The following PRELID2 variants were observed in gnomAD, a reference collection of about 807,000 sequenced individuals.
The protein encoded by PRELID2 is PRELI domain containing 2, also known as PRELI domain-containing protein 2.
Under a neutral mutation model 28.4 loss-of-function variants are expected in PRELID2, and 25 were observed. The observed-to-expected ratio is 0.88, with a 90% confidence interval of 0.64 to 1.23. The LOEUF (loss-of-function observed/expected upper bound fraction) is 1.23. Ranked by LOEUF, PRELID2 falls within the 50% of genes most tolerant of loss-of-function variation. The pLI is 0.00. For missense variants in PRELID2, 201 were observed against 214.4 expected (o/e 0.94, Z 0.39); for synonymous variants, 76 against 71.6 (o/e 1.06, Z -0.31).
the PRELID2 span, among the ~76,000 whole-genome samples, chr5:145,289,675 A>G: frequency 6.6e-6 from 1 of 152,184 alleles, no homozygotes; most frequent in East Asian, 1.9e-4. Context: ...AAATTGCCAA[A>G]TAGTGTTCTA....
intron 4 of PRELID2, among the ~76,000 whole-genome samples, chr5:145,810,891 ATTC>A (rs1382605845): frequency 6.6e-6 from 1 of 152,050 alleles, no homozygotes; most frequent in Non-Finnish European, 1.5e-5. Flanking sequence ...CAGAGGCAGA[ATTC>A]TTCTTTTTCC....
the PRELID2 span, among the ~76,000 whole-genome samples, chr5:145,326,330 TC>T: frequency 4.6e-5 from 7 of 151,972 alleles, no homozygotes; most frequent in Non-Finnish European, 7.4e-5. Flanking sequence ...GTGTCAGTTC[TC>T]CCCCAAATTG....
chr5:145,368,295 A>C, the PRELID2 span, among the ~76,000 whole-genome samples: 1 of 151,888 alleles, frequency 6.6e-6, no homozygotes, highest in African/African-American at 2.4e-5. Context: ...TAAAGCCACC[A>C]ATTTTTCTGG....
intron 1 of PRELID2, among the ~76,000 whole-genome samples, chr5:145,511,583 G>A (rs151189453): frequency 9.1e-4 from 139 of 152,284 alleles, no homozygotes; most frequent in African/African-American, 1.6e-3. Context: ...CATTCATTTC[G>A]TGGTTCAAAA....
At chr5:145,795,564 A>G (rs1420499770) in intron 5 of PRELID2, 1 of 152,148 alleles carries the variant, frequency 6.6e-6, no homozygotes, top group Non-Finnish European at 1.5e-5. Context: ...GGGTCATAAC[A>G]ATGGTTCTTT....
At chr5:145,739,186 T>C (rs575519536) in intron 1 of PRELID2, among the ~76,000 whole-genome samples, 12 of 152,242 alleles carry the variant, frequency 7.9e-5, no homozygotes, top group African/African-American at 2.6e-4. Context: ...GTATATTCTC[T>C]AAACATAAAA....
At chr5:145,582,719 A>T (rs1037526962) in intron 1 of PRELID2, among the ~76,000 whole-genome samples, 3 of 152,132 alleles carry the variant, frequency 2.0e-5, no homozygotes, top group Non-Finnish European at 4.4e-5. Flanking sequence ...ATTACCAGAC[A>T]CACACACTCT....
At chr5:145,547,954 G>C (rs1331477854) in intron 1 of PRELID2, among the ~76,000 whole-genome samples, 3 of 152,136 alleles carry the variant, frequency 2.0e-5, no homozygotes, top group Non-Finnish European at 2.9e-5. Flanking sequence ...TCAGTGCAGA[G>C]AGGAGGCATC....
the PRELID2 span, chr5:145,229,070 C>T: frequency 6.4e-7 from 1 of 1,569,826 alleles, no homozygotes; most frequent in Non-Finnish European, 8.7e-7. Flanking sequence ...ATGAGGACCA[C>T]TACCTCCTGG....
At chr5:145,804,653 G>A (rs1189096540) in intron 4 of PRELID2, among the ~76,000 whole-genome samples, 2 of 151,882 alleles carry the variant, frequency 1.3e-5, no homozygotes, top group Admixed American at 6.6e-5. Flanking sequence ...ATATTAACCC[G>A]ATTTTACAGA....
chr5:145,822,349 A>T (rs947665817), intron 2 of PRELID2, among the ~76,000 whole-genome samples: 1 of 152,220 alleles, frequency 6.6e-6, no homozygotes, highest in Non-Finnish European at 1.5e-5. Context: ...TCAGGTGCTA[A>T]ATAATTTAAG....
At chr5:145,691,578 T>C (rs562344560) in intron 1 of PRELID2, among the ~76,000 whole-genome samples, 1 of 151,890 alleles carries the variant, frequency 6.6e-6, no homozygotes, top group East Asian at 1.9e-4. Context: ...AAATTCCAGG[T>C]GTGGTGGCAC....
At chr5:145,332,632 C>G in the PRELID2 span, among the ~76,000 whole-genome samples, 1 of 151,886 alleles carries the variant, frequency 6.6e-6, no homozygotes, top group Non-Finnish European at 1.5e-5. Context: ...CATTTATGTT[C>G]TTCTCTAAAC....
chr5:145,324,308 C>T, the PRELID2 span, among the ~76,000 whole-genome samples: 7 of 152,072 alleles, frequency 4.6e-5, no homozygotes, highest in Admixed American at 6.6e-5. Context: ...AAAGACATGT[C>T]CAAAAATGCA....
At chr5:145,462,195 G>A in the PRELID2 span, among the ~76,000 whole-genome samples, 1 of 152,122 alleles carries the variant, frequency 6.6e-6, no homozygotes, top group Non-Finnish European at 1.5e-5. Flanking sequence ...ACAATAAAAT[G>A]TCAAACTCCA....
At chr5:145,331,605 T>A in the PRELID2 span, among the ~76,000 whole-genome samples, 6 of 152,178 alleles carry the variant, frequency 3.9e-5, no homozygotes, top group African/African-American at 1.4e-4. Context: ...CTCCTTTTTT[T>A]TGCTTTTCAT....
intron 1 of PRELID2, among the ~76,000 whole-genome samples, chr5:145,612,555 C>T (rs1436845884): frequency 6.6e-6 from 1 of 152,006 alleles, no homozygotes; most frequent in African/African-American, 2.4e-5. Context: ...TTGGTGCACC[C>T]ATCACCCAAG....
intron 1 of PRELID2, among the ~76,000 whole-genome samples, chr5:145,748,667 C>T (rs528108859): frequency 2.8e-4 from 43 of 152,104 alleles, no homozygotes; most frequent in African/African-American, 8.7e-4. Context: ...GTATGGCCAA[C>T]ACAATCCTAA....
At chr5:145,618,276 A>C (rs115235077) in intron 1 of PRELID2, among the ~76,000 whole-genome samples, 3,465 of 152,050 alleles carry the variant, frequency 0.023, 138 homozygotes, top group African/African-American at 0.078. Flanking sequence ...ATGTTACCTG[A>C]GTTGGTTTTC....
Sources: allele counts gnomAD v4.1 joint callset (sites outside exome capture counted in the v4.1 genomes callset), GRCh38; gene constraint gnomAD v4.1.1; transcripts MANE v1.5; gene names NCBI Gene and HGNC (gene_info 2026-07-23, HGNC 2026-07-21).